The following RANBP2 variants were observed in gnomAD, a reference collection of about 807,000 sequenced individuals.
The protein encoded by RANBP2 is RAN binding protein 2.
A neutral mutation model predicts 303.6 loss-of-function variants in RANBP2; 57 were observed. That is an observed-to-expected ratio of 0.19 (90% CI 0.15 to 0.23). The LOEUF is 0.23. Among genes scored for constraint, RANBP2 ranks in the 10% least tolerant of loss-of-function variants. The probability of loss-of-function intolerance (pLI) is 1.00; values close to 1 mark genes in which losing one functional copy is unlikely to be tolerated. For synonymous variants in RANBP2, 1,167 were observed against 1,301.5 expected (o/e 0.90, Z 2.23); for missense variants, 3,138 against 3,780.8 (o/e 0.83, Z 4.46).
At chr2:109,192,388 A>G in the RANBP2 span, among the ~76,000 whole-genome samples, 1 of 152,234 alleles carries the variant, frequency 6.6e-6, no homozygotes, top group Middle Eastern at 3.2e-3. Context: ...AATGTGGAGT[A>G]TTTATAGCAT....
chr2:108,788,029 T>TA (rs35693674), downstream of RANBP2: 4 of 1,530,274 alleles, frequency 2.6e-6, no homozygotes, highest in Middle Eastern at 2.1e-4. Flanking sequence ...TTTTTTTTTT[T>TA]AGTATGATTT....
chr2:108,773,804 GC>G (rs1243648211), intron 23 of RANBP2, among the ~76,000 whole-genome samples: 1 of 151,994 alleles, frequency 6.6e-6, no homozygotes, highest in Admixed American at 6.5e-5. Context: ...GCGCCACCAC[GC>G]CCAGCTAATT....
At chr2:109,349,711 G>A in the RANBP2 span, among the ~76,000 whole-genome samples, 3 of 152,222 alleles carry the variant, frequency 2.0e-5, no homozygotes, top group Non-Finnish European at 4.4e-5. Flanking sequence ...CTCTCCACTC[G>A]GGAGAACCCA....
the RANBP2 span, among the ~76,000 whole-genome samples, chr2:109,723,008 G>A: frequency 8.6e-5 from 13 of 152,010 alleles, no homozygotes; most frequent in African/African-American, 1.9e-4. Flanking sequence ...TGGTTCATAC[G>A]GTATTTCTGC....
At chr2:109,116,749 C>T in the RANBP2 span, among the ~76,000 whole-genome samples, 1 of 152,158 alleles carries the variant, frequency 6.6e-6, no homozygotes, top group Admixed American at 6.5e-5. Flanking sequence ...GTTTTTTCCC[C>T]ATCTTTGTGG....
the RANBP2 span, among the ~76,000 whole-genome samples, chr2:109,589,910 G>A: frequency 1.3e-5 from 2 of 151,960 alleles, no homozygotes; most frequent in South Asian, 2.1e-4. Flanking sequence ...CTACTGATAC[G>A]TGTCACAACA....
chr2:109,639,406 A>G, the RANBP2 span, among the ~76,000 whole-genome samples: 1 of 152,036 alleles, frequency 6.6e-6, no homozygotes, highest in African/African-American at 2.4e-5. Flanking sequence ...AGATCAAGAG[A>G]TCAAGAGATC....
chr2:109,549,797 TTAA>T, the RANBP2 span, among the ~76,000 whole-genome samples: 4 of 152,134 alleles, frequency 2.6e-5, no homozygotes, highest in East Asian at 7.7e-4. Flanking sequence ...ACAATAATAA[TTAA>T]TAATAAAATA....
the RANBP2 span, among the ~76,000 whole-genome samples, chr2:109,170,254 C>CTTCTCTTCTCTTCTT: frequency 6.4e-5 from 1 of 15,552 alleles, no homozygotes; most frequent in African/African-American, 1.5e-4. Flanking sequence ...TTTCTCTTCT[C>CTTCTCTTCTCTTCTT]TTCTCTTCTC....
the RANBP2 span, among the ~76,000 whole-genome samples, chr2:108,995,610 C>A: frequency 6.6e-6 from 1 of 152,372 alleles, no homozygotes; most frequent in Admixed American, 6.5e-5. Flanking sequence ...AATCTCCCAG[C>A]TCTGCTCAGA....
At chr2:108,814,427 T>A in the RANBP2 span, among the ~76,000 whole-genome samples, 1 of 152,122 alleles carries the variant, frequency 6.6e-6, no homozygotes, top group African/African-American at 2.4e-5. Flanking sequence ...GACTTTATAT[T>A]CAGGGACTGA....
chr2:109,223,362 C>G, the RANBP2 span, among the ~76,000 whole-genome samples: 2 of 152,146 alleles, frequency 1.3e-5, no homozygotes, highest in Non-Finnish European at 2.9e-5. Context: ...TTCTGAAGCC[C>G]GAAGAAGCAG....
At chr2:109,246,098 A>G in the RANBP2 span, among the ~76,000 whole-genome samples, 1 of 152,250 alleles carries the variant, frequency 6.6e-6, no homozygotes, top group African/African-American at 2.4e-5. Context: ...CAAGTTACTT[A>G]GCTTCTGTTT....
the RANBP2 span, among the ~76,000 whole-genome samples, chr2:109,761,442 C>G: frequency 2.0e-5 from 3 of 149,880 alleles, no homozygotes; most frequent in Admixed American, 2.0e-4. Context: ...CTCCCCACCC[C>G]ACCCGGGCGC....
the RANBP2 span, among the ~76,000 whole-genome samples, chr2:108,909,241 A>G: frequency 6.6e-6 from 1 of 152,232 alleles, no homozygotes; most frequent in Non-Finnish European, 1.5e-5. Context: ...AAAAGCCTGA[A>G]TATCAGAAGG....
the RANBP2 span, among the ~76,000 whole-genome samples, chr2:109,333,530 T>G: frequency 6.6e-6 from 1 of 152,142 alleles, no homozygotes; most frequent in Non-Finnish European, 1.5e-5. Flanking sequence ...GTAAGTAAAG[T>G]TTTATTGGAA....
the RANBP2 span, chr2:109,128,089 C>G: frequency 6.6e-6 from 1 of 152,364 alleles, no homozygotes; most frequent in East Asian, 1.9e-4. Flanking sequence ...TCCAACCAAT[C>G]CTGGTTTGTG....
At chr2:109,610,028 G>A in the RANBP2 span, among the ~76,000 whole-genome samples, 1 of 151,760 alleles carries the variant, frequency 6.6e-6, no homozygotes, top group African/African-American at 2.4e-5. Flanking sequence ...GGGACAATAT[G>A]ACACAGAGCA....
the RANBP2 span, among the ~76,000 whole-genome samples, chr2:109,561,652 T>C: frequency 2.6e-5 from 4 of 152,156 alleles, no homozygotes; most frequent in African/African-American, 4.8e-5. Flanking sequence ...GCAGCTTAAA[T>C]GTAACATTTC....
Sources: allele counts gnomAD v4.1 joint callset (sites outside exome capture counted in the v4.1 genomes callset), GRCh38; gene constraint gnomAD v4.1.1; transcripts MANE v1.5; gene names NCBI Gene and HGNC (gene_info 2026-07-23, HGNC 2026-07-21).